Variants in PRPF40B observed in about 807,000 individuals in gnomAD.
PRPF40B encodes pre-mRNA processing factor 40B.
PRPF40B carries 56 observed loss-of-function variants against 124.5 expected under a neutral mutation model. The observed-to-expected ratio is 0.45, with a 90% CI of 0.36 to 0.56. The LOEUF is 0.56. Ranked by LOEUF, PRPF40B falls within the 20% of genes least tolerant of loss-of-function variation. The pLI is 0.00. For synonymous variants in PRPF40B, 443 were observed against 426.4 expected (o/e 1.04, Z -0.48); for missense variants, 1,053 against 1,169.5 (o/e 0.90, Z 1.45).
At chr12:49,644,073 G>A (rs1299424478) in intron 25 of PRPF40B, 27 bp from the exon 26 acceptor site, 2 of 1,614,078 alleles carry the variant, frequency 1.2e-6, no homozygotes, top group Non-Finnish European at 1.7e-6. Context: ...TGCAGGCTAA[G>A]GGTGAACTGT....
chr12:49,630,207 C>A (rs1941087692), intron 1 of PRPF40B, among the ~76,000 whole-genome samples: 1 of 152,212 alleles, frequency 6.6e-6, no homozygotes, highest in Non-Finnish European at 1.5e-5. Context: ...TGCCCACAGG[C>A]AGGATAATGG....
intron 5 of PRPF40B, 94 bp from the exon 6 acceptor site, chr12:49,632,761 A>G (rs774903090): frequency 2.0e-4 from 317 of 1,600,000 alleles, no homozygotes; most frequent in Non-Finnish European, 2.3e-4. Context: ...GGACCAGGGG[A>G]CTATTTACTG....
At chr12:49,636,986 C>A in intron 16 of PRPF40B, 137 bp downstream of exon 16, 1 of 1,283,908 alleles carries the variant, frequency 7.8e-7, no homozygotes, top group South Asian at 1.4e-5. Flanking sequence ...TGAGACCTCT[C>A]TCTGCCTGCA....
At chr12:49,638,768 G>C (rs1942202661) in intron 18 of PRPF40B, 1 of 152,170 alleles carries the variant, frequency 6.6e-6, no homozygotes, top group South Asian at 2.1e-4. Flanking sequence ...TAGGTCACTT[G>C]ACCTTTCTGA....
In PRPF40B at chr12:49,632,870, C is replaced by T. The variant is rs1228747783; in HGVS notation, c.338C>T (p.Thr113Ile). The T allele has an allele frequency of 3.1e-6, 5 of 1,613,778 alleles. No homozygotes were observed. Among genetic ancestry groups the T allele is most frequent in the South Asian group, 1.1e-5 (1 of 91,064 alleles). ...ADTASSAVAG[T>I]GPPRALWSEH... ...TTTTTTCTAGCTGCTGTGGCTGGGA[C>T]AGGCCCTCCGGTGAGTTCTTCCAGC... The change falls in exon 6 of 26, where the codon ACA (threonine) becomes ATA (isoleucine). Residue 113 changes from threonine (T) to isoleucine (I), a missense_variant. Transcript: ENST00000548825.
At chr12:49,636,137 C>A (rs1403090037) in intron 15 of PRPF40B, 144 bp downstream of exon 15, 3 of 999,256 alleles carry the variant, frequency 3.0e-6, no homozygotes, top group South Asian at 3.5e-5. Context: ...AGTCCTTGTA[C>A]CTCTTTGGAC....
intron 1 of PRPF40B, among the ~76,000 whole-genome samples, chr12:49,625,425 TGA>T (rs2138376479): frequency 6.6e-6 from 1 of 152,370 alleles, no homozygotes; most frequent in Non-Finnish European, 1.5e-5. Context: ...CAGGATTAAA[TGA>T]GTGTTTGACA....
rs372247666 is a variant in PRPF40B at position 49,634,682 on chromosome 12, A to C, written c.1001+80A>C. On this transcript the variant is annotated intron_variant, in intron 12 of 25. Transcript: ENST00000548825. ...ACTCCCTAAAAAACCCCAGCTCAAC[A>C]CTCAGCCCTAAGGGAACCAGAGTCA... 2.1e-3 allele frequency: 3,237 copies of C among 1,558,226 alleles called. 33 individuals carry two copies. The highest frequency in any genetic ancestry group is 0.012 in the South Asian group (1,065 of 88,232).
chr12:49,640,827 G>A (rs556865918), intron 18 of PRPF40B: 2 of 152,238 alleles, frequency 1.3e-5, no homozygotes, highest in Non-Finnish European at 2.9e-5. Context: ...GGGAGAGCAT[G>A]GTGGAAAGGA....
At position 49,642,494 on chromosome 12, in the gene PRPF40B, G is replaced by A. The variant is rs1942806987; in HGVS notation, c.2023-86G>A. On this transcript the variant is annotated intron_variant, in intron 20 of 25. Transcript: ENST00000548825. The surrounding 1 kb of genome is among the most constrained non-coding windows in gnomAD (Gnocchi z 5.8). Reference sequence around the variant, plus strand: ...CAGCTCCAGTTCCCTTCCTTTCTCTGCCCCAGCCCTGCCCTGTGCTCATGG... The same window carrying A: ...CAGCTCCAGTTCCCTTCCTTTCTCTACCCCAGCCCTGCCCTGTGCTCATGG... 6.3e-7 allele frequency: 1 copy of A among 1,580,414 alleles called. No homozygotes were observed. The highest frequency in any genetic ancestry group is 8.7e-7 in the Non-Finnish European group (1 of 1,151,822).
intron 1 of PRPF40B, among the ~76,000 whole-genome samples, chr12:49,628,037 G>C (rs1940882823): frequency 6.6e-6 from 1 of 152,118 alleles, no homozygotes; most frequent in Non-Finnish European, 1.5e-5. Flanking sequence ...TGTTAGAGAG[G>C]CTCCTGAGGC....
intron 18 of PRPF40B, chr12:49,640,885 A>C (rs8626): frequency 6.6e-6 from 1 of 152,076 alleles, no homozygotes; most frequent in Non-Finnish European, 1.5e-5. Context: ...AGCCAGTAAC[A>C]AGGGTGACTT....
rs1941317699 is a variant in PRPF40B at position 49,632,520 on chromosome 12, C to T, written c.295-76C>T. 7 of 1,471,904 alleles carry T rather than the reference C, an allele frequency of 4.8e-6. No individual in the cohort carries two copies. In the African/African-American group the frequency reaches 7.0e-5, roughly 15 times the overall value. 91.2% of individuals were successfully genotyped at this position (1,471,904 alleles called of 1,614,324 possible). A position where few individuals can be genotyped will look rare whatever the true frequency, so the allele number is the denominator to read the frequency against. On this transcript the variant is annotated intron_variant, in intron 4 of 25. Transcript: ENST00000548825. ...ACATGGATTCTGGCCTGGCCTGCTTCTCCATCCCCCATGGCCTGGGTCCTG... is the reference window on the plus strand; with the variant it reads ...ACATGGATTCTGGCCTGGCCTGCTTTTCCATCCCCCATGGCCTGGGTCCTG...
At chr12:49,643,521 A>G (rs1942947382) in intron 23 of PRPF40B, 124 bp downstream of exon 23, 2 of 1,396,002 alleles carry the variant, frequency 1.4e-6, no homozygotes, top group Non-Finnish European at 1.9e-6. Context: ...GTGGAAGTAG[A>G]AAGAACTTCC....
At chr12:49,633,147 C>T in intron 7 of PRPF40B, 23 bp downstream of exon 7, 1 of 1,566,692 alleles carries the variant, frequency 6.4e-7, no homozygotes, top group Non-Finnish European at 8.7e-7. Flanking sequence ...GCTTTCTGGC[C>T]CTTCCTTTCA....
chr12:49,631,877 T>C lies in PRPF40B; in HGVS notation c.246T>C (p.Pro82=). 6.2e-7 allele frequency: 1 copy of C among 1,614,134 alleles called. No individual in the cohort carries two copies. Among genetic ancestry groups the C allele is most frequent in the African/African-American group, 1.3e-5 (1 of 75,042 alleles). Residue 82 remains proline (P), a synonymous_variant, in exon 4 of 26, where the codon CCT becomes CCC. Coordinates refer to ENST00000548825, the MANE Select transcript of PRPF40B (RefSeq NM_001031698.3). This position sits in a 1 kb window ranked among gnomAD's most constrained non-coding sequence, Gnocchi z 4.3. Reference sequence around the variant, plus strand: ...ATCCATAGATACCAGGAATGGTACCTCCGATGATGCCAGGAATGCTGATGC... The same window carrying C: ...ATCCATAGATACCAGGAATGGTACCCCCGATGATGCCAGGAATGCTGATGC... The part of the protein sequence containing the change: ...PPLTQIPGMV[P]PMMPGMLMPA...
intron 23 of PRPF40B, 59 bp from the exon 24 acceptor site, chr12:49,643,632 A>G (rs1942962434): frequency 2.6e-6 from 4 of 1,562,944 alleles, no homozygotes; most frequent in African/African-American, 1.4e-5. Flanking sequence ...GGGCTAGAAC[A>G]AAGAAAAAGA....
At chr12:49,630,729 C>A (rs1941143579) in intron 2 of PRPF40B, 104 bp downstream of exon 2, 1 of 633,332 alleles carries the variant, frequency 1.6e-6, no homozygotes, top group Non-Finnish European at 2.9e-6. Flanking sequence ...CCTGTAATGC[C>A]CCTTTTGCTG....
At chr12:49,639,813 G>A (rs1322694670) in intron 18 of PRPF40B, 1 of 152,194 alleles carries the variant, frequency 6.6e-6, no homozygotes, top group East Asian at 1.9e-4. Context: ...TATTGATAAG[G>A]ATAAAACAAG....
Sources: allele counts gnomAD v4.1 joint callset (sites outside exome capture counted in the v4.1 genomes callset), GRCh38; gene constraint gnomAD v4.1.1; non-coding constraint Gnocchi (gnomAD v3.1); transcripts MANE v1.5; gene names NCBI Gene and HGNC (gene_info 2026-07-23, HGNC 2026-07-21).